Variants in TMC3 observed in about 807,000 individuals in gnomAD.
TMC3 encodes the protein transmembrane channel like 3.
Under a neutral mutation model 110.6 loss-of-function variants are expected in TMC3, and 98 were observed. The ratio of observed to expected loss-of-function variants is 0.89; its 90% confidence interval spans 0.75 to 1.05. The LOEUF is 1.05. Among genes scored for constraint, TMC3 ranks in the 50% least tolerant of loss-of-function variants. The pLI is 0.00. For missense variants in TMC3, 1,319 were observed against 1,373.2 expected (o/e 0.96, Z 0.62); for synonymous variants, 489 against 513.1 (o/e 0.95, Z 0.63).
chr15:81,362,274 AG>A lies in TMC3; in HGVS notation c.339del (p.Cys114ValfsTer12). 1.2e-6 allele frequency: 2 copies of A among 1,612,402 alleles called. No individual in the cohort carries two copies. The highest frequency in any genetic ancestry group is 1.7e-6 in the Non-Finnish European group (2 of 1,179,088). On this transcript the variant is annotated frameshift_variant, in exon 4 of 22. Transcript: ENST00000359440. LOFTEE classifies it high-confidence loss of function. Reference protein sequence around the residue: ...AELWRKFARLACNFVVIFIPW... With the variant: ...AELWRKFARLXCNFVVIFIPW... ...GGAATGAAGATGACCACAAAGTTAC[AG>A]GCGAGACGAGCAAATTTCCGCCAGA...
intron 16 of TMC3, among the ~76,000 whole-genome samples, chr15:81,340,942 C>CTG (rs144280700): frequency 2.6e-5 from 4 of 152,028 alleles, no homozygotes; most frequent in East Asian, 1.9e-4. Context: ...GGAGCACATA[C>CTG]TGTGTGTGTG....
intron 1 of TMC3, 21 bp downstream of exon 1, chr15:81,373,968 T>C (rs372958666): frequency 1.2e-5 from 20 of 1,610,858 alleles, no homozygotes; most frequent in Non-Finnish European, 1.7e-5. Flanking sequence ...TCTGCCCAGC[T>C]GATGAATGGG....
chr15:81,357,725 C>T (rs895759553), intron 7 of TMC3, among the ~76,000 whole-genome samples: 1 of 152,204 alleles, frequency 6.6e-6, no homozygotes, highest in Non-Finnish European at 1.5e-5. Flanking sequence ...AACATACAAC[C>T]AAAGGAGGAC....
At chr15:81,340,158 G>T (rs1893681782) in intron 16 of TMC3, among the ~76,000 whole-genome samples, 1 of 152,154 alleles carries the variant, frequency 6.6e-6, no homozygotes, top group Non-Finnish European at 1.5e-5. Context: ...AGAGAATGAG[G>T]GGTCAATCTA....
In TMC3 at chr15:81,332,482, C is replaced by G. The variant is rs779813617; in HGVS notation, c.3240G>C (p.Arg1080Ser). Reference protein sequence around the residue: ...FPRSVGQPSRRKAKSGQELTV... With the variant: ...FPRSVGQPSRSKAKSGQELTV... ...TCAGCTCCTGCCCCGACTTGGCCTT[C>G]CTCCTGCTGGGCTGGCCCACGGACC... Residue 1080 changes from arginine to serine, a missense_variant, in exon 22 of 22, where the codon AGG becomes AGC. Coordinates refer to ENST00000359440, the MANE Select transcript of TMC3 (RefSeq NM_001080532.3). 28 of 1,612,954 alleles carry G rather than the reference C, an allele frequency of 1.7e-5. No homozygotes were observed. The highest frequency in any genetic ancestry group is 5.9e-6 in the Non-Finnish European group (7 of 1,179,576).
chr15:81,349,593 C>A, intron 10 of TMC3, 26 bp from the exon 11 acceptor site: 1 of 1,360,556 alleles, frequency 7.3e-7, no homozygotes, highest in Non-Finnish European at 9.6e-7. Flanking sequence ...ATGCCAGAGC[C>A]AGACATTCCC....
chr15:81,356,625 G>A (rs1894069631), intron 7 of TMC3, 31 bp from the exon 8 acceptor site: 2 of 1,568,912 alleles, frequency 1.3e-6, no homozygotes, highest in Non-Finnish European at 1.7e-6. Context: ...CAGGTCTTGG[G>A]AGTCTCAGGA....
At chr15:81,339,354 G>A (rs1893663894) in intron 17 of TMC3, 40 bp downstream of exon 17, 2 of 1,410,390 alleles carry the variant, frequency 1.4e-6, no homozygotes, top group Non-Finnish European at 2.0e-6. Flanking sequence ...TTCCCTTACA[G>A]CTGTCAGTCA....
At chr15:81,346,097 A>G (rs112087682) in intron 12 of TMC3, among the ~76,000 whole-genome samples, 218 of 152,316 alleles carry the variant, frequency 1.4e-3, no homozygotes, top group African/African-American at 3.2e-3. Flanking sequence ...ATGGGGTAGT[A>G]TGATACAAAG....
chr15:81,362,264 A>G lies in TMC3; in HGVS notation c.350T>C (p.Val117Ala), dbSNP rs1257572372. The change falls in exon 4 of 22, where the codon GTG becomes GCG. Residue 117 changes from valine to alanine, a missense_variant. By Grantham distance (64) the Val-to-Ala change is moderately conservative (BLOSUM62 0). Transcript: ENST00000359440. ...CATTTCCCAGGGAATGAAGATGACCACAAAGTTACAGGCGAGACGAGCAAA... is the reference window on the plus strand; with the variant it reads ...CATTTCCCAGGGAATGAAGATGACCGCAAAGTTACAGGCGAGACGAGCAAA... ...RKFARLACNFVVIFIPWEMRI... is the reference protein window; with the variant it reads ...RKFARLACNFAVIFIPWEMRI... 2 of 1,612,648 alleles carry G rather than the reference A, an allele frequency of 1.2e-6. No homozygotes were observed. Among genetic ancestry groups the G allele is most frequent in the Non-Finnish European group, 1.7e-6 (2 of 1,179,290 alleles).
rs1055363671 is a variant in TMC3 at position 81,372,831 on chromosome 15, GC to G, written c.90-95del. On this transcript the variant is annotated intron_variant, in intron 1 of 21. Transcript: ENST00000359440. ...CTGGGCACAAGTTCAGCATCTCACT[GC>G]CCTAGGGTCATCTGTATGAAATGTG... 65 of 1,287,062 alleles carry G rather than the reference GC, an allele frequency of 5.1e-5. 1 individual carries two copies. The Middle Eastern group carries it at 2.7e-3, about 54-fold the overall frequency. The allele number at this position is 1,287,062 out of a possible 1,614,324, so 79.7% of individuals were successfully genotyped here.
chr15:81,351,174 C>T (rs1275191322), intron 10 of TMC3, among the ~76,000 whole-genome samples: 1 of 152,156 alleles, frequency 6.6e-6, no homozygotes, highest in African/African-American at 2.4e-5. Context: ...GAATCAAACT[C>T]TTTCCCAAAG....
Position 81,332,251 on chromosome 15 carries a change from G to T in TMC3, c.*168C>A. On this transcript the variant is annotated 3_prime_UTR_variant, in exon 22 of 22. Transcript: ENST00000359440. Reference sequence around the variant, plus strand: ...TTTGGCTAACAGTAGCTGTAGAATAGGTATCTGTAGCCCTGTCAGCCTCAG... The same window carrying T: ...TTTGGCTAACAGTAGCTGTAGAATATGTATCTGTAGCCCTGTCAGCCTCAG... 1.0e-6 allele frequency: 1 copy of T among 983,740 alleles called. No homozygotes were observed. The highest frequency in any genetic ancestry group is 1.4e-6 in the Non-Finnish European group (1 of 696,368). 60.9% of individuals were successfully genotyped at this position (983,740 alleles called of 1,614,324 possible). A position where few individuals can be genotyped will look rare whatever the true frequency, so the allele number is the denominator to read the frequency against.
chr15:81,333,233 C>G lies in TMC3; in HGVS notation c.2489G>C (p.Ser830Thr). Reference sequence around the variant, plus strand: ...GCGCGATCTGTTCCTGTGAAGGTCACTGGTGCTTGCACACAGACCGTGCAG... The same window carrying G: ...GCGCGATCTGTTCCTGTGAAGGTCAGTGGTGCTTGCACACAGACCGTGCAG... ...RYLHGLCASTSDLHRNRSRTP... is the reference protein window; with the variant it reads ...RYLHGLCASTTDLHRNRSRTP... Residue 830 changes from serine (S) to threonine (T), a missense_variant, in exon 22 of 22, where the codon AGT becomes ACT. Transcript: ENST00000359440. 2 of 1,612,872 alleles carry G rather than the reference C, an allele frequency of 1.2e-6. No homozygotes were observed. Among genetic ancestry groups the G allele is most frequent in the Non-Finnish European group, 1.7e-6 (2 of 1,179,158 alleles).
rs149122364 is a variant in TMC3, at chr15:81,343,412, C to T, written c.1648-67G>A. The stretch of plus-strand genomic sequence containing the variant: ...GTTCTTTGCATGAACCAATTAATTA[C>T]AGACACCTATATAGACTTCTTTGCT... On this transcript the variant is annotated intron_variant, in intron 14 of 21. Transcript: ENST00000359440. 3,403 of 1,024,832 alleles carry T rather than the reference C, an allele frequency of 3.3e-3. 11 individuals carry two copies. Among genetic ancestry groups the T allele is most frequent in the Non-Finnish European group, 4.7e-3 (3,003 of 643,564 alleles). 63.5% of individuals were successfully genotyped at this position (1,024,832 alleles called of 1,614,324 possible). A position where few individuals can be genotyped will look rare whatever the true frequency, so the allele number is the denominator to read the frequency against.
At position 81,356,610 on chromosome 15, in the gene TMC3, A is replaced by G; in HGVS notation, c.744-16T>C. ...CTTAGCCATCCTGCAAAAGAGGAGC[A>G]CAAACAGGTCTTGGGAGTCTCAGGA... On this transcript the variant is annotated splice_polypyrimidine_tract_variant and intron_variant, in intron 7 of 21. Coordinates refer to ENST00000359440, the MANE Select transcript of TMC3 (RefSeq NM_001080532.3). The G allele has an allele frequency of 6.3e-7, 1 of 1,580,338 alleles. No homozygotes were observed. Among genetic ancestry groups the G allele is most frequent in the Non-Finnish European group, 8.6e-7 (1 of 1,163,118 alleles).
intron 21 of TMC3, 91 bp downstream of exon 21, chr15:81,334,629 T>C (rs1893549330): frequency 6.8e-7 from 1 of 1,472,368 alleles, no homozygotes; most frequent in African/African-American, 1.4e-5. Flanking sequence ...CTGGGAGAAT[T>C]AGAATTTAAT....
At chr15:81,359,156 G>A (rs1894130809) in intron 5 of TMC3, among the ~76,000 whole-genome samples, 1 of 152,176 alleles carries the variant, frequency 6.6e-6, no homozygotes, top group Non-Finnish European at 1.5e-5. Context: ...GTGCTACACG[G>A]CAGATTTGAG....
intron 12 of TMC3, among the ~76,000 whole-genome samples, chr15:81,345,934 C>G (rs1443171769): frequency 2.6e-5 from 4 of 152,084 alleles, no homozygotes; most frequent in Non-Finnish European, 5.9e-5. Context: ...AGCAAATACT[C>G]CTGCTGGGCT....
Sources: gnomAD v4.1 joint callset for allele counts (sites outside exome capture counted in the v4.1 genomes callset) on GRCh38, gnomAD v4.1.1 for gene constraint, MANE v1.5 for transcripts, NCBI Gene and HGNC (gene_info 2026-07-23, HGNC 2026-07-21) for gene names.